Variants in MAPK8IP1 observed in about 807,000 individuals in gnomAD.
MAPK8IP1 encodes C-Jun-amino-terminal kinase-interacting protein 1.
A neutral mutation model predicts 72.6 loss-of-function variants in MAPK8IP1; 17 were observed. The ratio of observed to expected loss-of-function variants is 0.23; its 90% CI spans 0.16 to 0.35. MAPK8IP1 has a LOEUF of 0.35. Among genes scored for constraint, MAPK8IP1 ranks in the 10% least tolerant of loss-of-function variants. The pLI is 1.00. For synonymous variants in MAPK8IP1, 401 were observed against 443.4 expected, an observed-to-expected ratio of 0.90 and a Z score of 1.20; for missense variants, 789 against 1,009.7, an observed-to-expected ratio of 0.78 and a Z score of 2.96.
chr11:45,904,232 G>C lies in MAPK8IP1; in HGVS notation c.1666+71G>C. On this transcript the variant is annotated intron_variant, in intron 7 of 11. Coordinates refer to ENST00000241014, the MANE Select transcript of MAPK8IP1 (RefSeq NM_005456.4). This position sits in a 1 kb window ranked among gnomAD's most constrained non-coding sequence, Gnocchi z 6.4. ...TGCCCCAACTTGCTGCTAGGTGAAC[G>C]TGTACTCCAGATCTCAGCCAGCCAG... 1 of 1,509,534 alleles carries C rather than the reference G, an allele frequency of 6.6e-7. No individual in the cohort carries two copies. Among genetic ancestry groups the C allele is most frequent in the Non-Finnish European group, 9.1e-7 (1 of 1,100,118 alleles). 93.5% of individuals were successfully genotyped at this position (1,509,534 alleles called of 1,614,324 possible).
chr11:45,896,465 A>G, intron 1 of MAPK8IP1: 2 of 934,830 alleles, frequency 2.1e-6, no homozygotes, highest in African/African-American at 1.8e-5. Context: ...GATTTCTGCC[A>G]TCTACTTACA....
At position 45,896,727 on chromosome 11, in the gene MAPK8IP1, A is replaced by G; in HGVS notation, c.102-1358A>G. The G allele has an allele frequency of 4.8e-6, 7 of 1,456,040 alleles. No homozygotes were observed. In the South Asian group the frequency reaches 7.2e-5, roughly 15 times the overall value. The allele number at this position is 1,456,040 out of a possible 1,614,324, so 90.2% of individuals were successfully genotyped here. ...CCTGTCTATTTTTAATGAGCTCCCC[A>G]GGCTTCTGCAGCAGGCAGGACGCAG... On this transcript the variant is annotated intron_variant, in intron 1 of 11. Coordinates refer to ENST00000241014, the MANE Select transcript of MAPK8IP1 (RefSeq NM_005456.4).
At position 45,902,912 on chromosome 11, in the gene MAPK8IP1, C is replaced by T. The variant is rs1176606922; in HGVS notation, c.1145C>T (p.Thr382Met). 4.3e-6 allele frequency: 7 copies of T among 1,609,324 alleles called. No homozygotes were observed. The highest frequency in any genetic ancestry group is 4.2e-6 in the Non-Finnish European group (5 of 1,178,386). ...SALSYDSVKYTLVVDEHAQLE... is the reference protein window; with the variant it reads ...SALSYDSVKYMLVVDEHAQLE... ...CTGTCCTATGACTCTGTCAAGTACACGCTGGTGGTAGATGAGCATGCACAG... is the reference window on the plus strand; with the variant it reads ...CTGTCCTATGACTCTGTCAAGTACATGCTGGTGGTAGATGAGCATGCACAG... The change falls in exon 5 of 12, where the codon ACG becomes ATG. Residue 382 changes from threonine (T) to methionine (M), a missense_variant. Thr to Met is a moderately conservative substitution (Grantham distance 81). Transcript: ENST00000241014. This position sits in a 1 kb window ranked among gnomAD's most constrained non-coding sequence, Gnocchi z 9.3.
Position 45,898,191 on chromosome 11 carries a change from G to T in MAPK8IP1, c.207+1G>T. On this transcript the variant is annotated splice_donor_variant, in intron 2 of 11. Transcript: ENST00000241014. LOFTEE classifies it high-confidence loss of function. Reference sequence around the variant, plus strand: ...GTGCAAAGACACCCTGTCCTTACGGGTAAGGGCAAGCTCCCAGGAGCTCCT... The same window carrying T: ...GTGCAAAGACACCCTGTCCTTACGGTTAAGGGCAAGCTCCCAGGAGCTCCT... 1 of 1,609,208 alleles carries T rather than the reference G, an allele frequency of 6.2e-7. No homozygotes were observed. The highest frequency in any genetic ancestry group is 8.5e-7 in the Non-Finnish European group (1 of 1,176,402).
At position 45,900,572 on chromosome 11, in the gene MAPK8IP1, T is replaced by C; in HGVS notation, c.522+120T>C. 8.4e-7 allele frequency: 1 copy of C among 1,189,492 alleles called. No individual in the cohort carries two copies. Among genetic ancestry groups the C allele is most frequent in the Non-Finnish European group, 1.2e-6 (1 of 868,416 alleles). 73.7% of individuals were successfully genotyped at this position (1,189,492 alleles called of 1,614,324 possible). On this transcript the variant is annotated intron_variant, in intron 3 of 11. Coordinates refer to ENST00000241014, the MANE Select transcript of MAPK8IP1 (RefSeq NM_005456.4). The surrounding 1 kb of genome is among the most constrained non-coding windows in gnomAD (Gnocchi z 6.5). ...CCAGTGCCTGGGGACAGCGCCTGCA[T>C]AGGGGCCGCGGTGGCTCGCTCCCGG...
intron 1 of MAPK8IP1, among the ~76,000 whole-genome samples, chr11:45,893,142 G>A (rs1379506409): frequency 6.6e-6 from 1 of 152,234 alleles, no homozygotes; most frequent in East Asian, 1.9e-4. Context: ...AACAGCCAAT[G>A]CCTGGCTCAG....
chr11:45,895,451 C>G (rs1478796326), intron 1 of MAPK8IP1, among the ~76,000 whole-genome samples: 2 of 151,922 alleles, frequency 1.3e-5, no homozygotes, highest in African/African-American at 4.8e-5. Context: ...GAAACCCTGT[C>G]TCTACTAAAA....
intron 1 of MAPK8IP1, among the ~76,000 whole-genome samples, chr11:45,896,381 C>T: frequency 6.6e-6 from 1 of 152,240 alleles, no homozygotes; most frequent in East Asian, 1.9e-4. Flanking sequence ...CCTTCATCTC[C>T]CACCTGGCAC....
In MAPK8IP1 at chr11:45,904,806, T is replaced by G; in HGVS notation, c.1865T>G (p.Val622Gly). 6.2e-7 allele frequency: 1 copy of G among 1,613,896 alleles called. No individual in the cohort carries two copies. The highest frequency in any genetic ancestry group is 8.5e-7 in the Non-Finnish European group (1 of 1,179,986). ...EISVRGVKIG[V>G]KADDSQEAKG... ...AGCGTGCGGGGTGTGAAGATAGGCG[T>G]CAAGGCCGATGACTCCCAGGAGGCC... Residue 622 changes from valine (V) to glycine (G), a missense_variant, in exon 9 of 12, where the codon GTC becomes GGC. Around this residue, in one of 4 missense-constraint regions of MAPK8IP1, gnomAD observed 188 missense variants for 293.3 expected, o/e 0.64. Coordinates refer to ENST00000241014, the MANE Select transcript of MAPK8IP1 (RefSeq NM_005456.4). The surrounding 1 kb of genome is among the most constrained non-coding windows in gnomAD (Gnocchi z 6.4).
intron 1 of MAPK8IP1, among the ~76,000 whole-genome samples, chr11:45,891,102 AG>A: frequency 1.3e-5 from 2 of 152,328 alleles, no homozygotes; most frequent in South Asian, 4.1e-4. Flanking sequence ...ACAGTCCGGC[AG>A]TGGCCAGGGC....
At chr11:45,892,499 C>G (rs1204387303) in intron 1 of MAPK8IP1, among the ~76,000 whole-genome samples, 3 of 152,084 alleles carry the variant, frequency 2.0e-5, no homozygotes, top group African/African-American at 7.2e-5. Context: ...CCGCGGGCCG[C>G]ATAACCCAAA....
intron 1 of MAPK8IP1, among the ~76,000 whole-genome samples, chr11:45,891,861 G>C (rs1262828688): frequency 2.0e-5 from 3 of 152,212 alleles, no homozygotes; most frequent in Non-Finnish European, 4.4e-5. Flanking sequence ...GGTGACGCAG[G>C]TGTTTTCAGT....
In MAPK8IP1 at chr11:45,902,149, G is replaced by A. The variant is rs1441866768; in HGVS notation, c.604+88G>A. ...AGAGCAAACCCTACAGTCTCCAAAG[G>A]GCTGAGTAGAGGTGAACTGCCCACC... On this transcript the variant is annotated intron_variant, in intron 4 of 11. Transcript: ENST00000241014. The surrounding 1 kb of genome is among the most constrained non-coding windows in gnomAD (Gnocchi z 9.3). 2 of 1,268,036 alleles carry A rather than the reference G, an allele frequency of 1.6e-6. No individual in the cohort carries two copies. The highest frequency in any genetic ancestry group is 2.3e-6 in the Non-Finnish European group (2 of 864,918). 78.5% of individuals were successfully genotyped at this position (1,268,036 alleles called of 1,614,324 possible). A position where few individuals can be genotyped will look rare whatever the true frequency, so the allele number is the denominator to read the frequency against.
chr11:45,902,939 T>C lies in MAPK8IP1; in HGVS notation c.1172T>C (p.Leu391Pro), dbSNP rs1220150237. 1 of 1,611,752 alleles carries C rather than the reference T, an allele frequency of 6.2e-7. No individual in the cohort carries two copies. Among genetic ancestry groups the C allele is most frequent in the Non-Finnish European group, 8.5e-7 (1 of 1,179,690 alleles). Residue 391 changes from leucine to proline, a missense_variant, in exon 5 of 12, where the codon CTG (leucine) becomes CCG (proline). Transcript: ENST00000241014. The surrounding 1 kb of genome is among the most constrained non-coding windows in gnomAD (Gnocchi z 9.3). The part of the protein sequence containing the change: ...YTLVVDEHAQ[L>P]ELVSLRPCFG... Reference sequence around the variant, plus strand: ...CTGGTGGTAGATGAGCATGCACAGCTGGAGCTGGTGAGCCTGCGGCCGTGC... The same window carrying C: ...CTGGTGGTAGATGAGCATGCACAGCCGGAGCTGGTGAGCCTGCGGCCGTGC...
intron 2 of MAPK8IP1, 51 bp downstream of exon 2, chr11:45,898,241 G>A (rs970720615): frequency 2.3e-6 from 3 of 1,278,944 alleles, no homozygotes; most frequent in Non-Finnish European, 3.4e-6. Flanking sequence ...GAAGGCTAGG[G>A]ACAGGGGTAA....
intron 1 of MAPK8IP1, among the ~76,000 whole-genome samples, chr11:45,889,393 G>T (rs2086549925): frequency 6.6e-6 from 1 of 152,130 alleles, no homozygotes; most frequent in South Asian, 2.1e-4. Flanking sequence ...ATGAGTATAG[G>T]TTACTTCTGT....
Position 45,900,247 on chromosome 11 carries a change from C to T in MAPK8IP1, c.317C>T (p.Ala106Val). 1 of 1,333,462 alleles carries T rather than the reference C, an allele frequency of 7.5e-7. No individual in the cohort carries two copies. The highest frequency in any genetic ancestry group is 1.9e-5 in the South Asian group (1 of 51,510). 82.6% of individuals were successfully genotyped at this position (1,333,462 alleles called of 1,614,324 possible). A position where few individuals can be genotyped will look rare whatever the true frequency, so the allele number is the denominator to read the frequency against. ...LIDATGDTPG[A>V]EDDEEDDDEE... ...GACGCGACGGGGGACACTCCCGGGG[C>T]CGAGGACGACGAGGAGGACGACGAC... Residue 106 changes from alanine (A) to valine (V), a missense_variant, in exon 3 of 12, where the codon GCC becomes GTC. This residue lies in a region of MAPK8IP1 where 112 missense variants were observed against 192.8 expected (regional missense o/e 0.58). Transcript: ENST00000241014. This position sits in a 1 kb window ranked among gnomAD's most constrained non-coding sequence, Gnocchi z 6.5.
chr11:45,901,509 G>A (rs1436224637), intron 3 of MAPK8IP1, among the ~76,000 whole-genome samples: 1 of 152,094 alleles, frequency 6.6e-6, no homozygotes, highest in Non-Finnish European at 1.5e-5. Context: ...CTACCAGAAG[G>A]TCCTCACCCC....
rs887385484 is a variant in MAPK8IP1, at chr11:45,906,412, A to G, written c.*691A>G. On this transcript the variant is annotated 3_prime_UTR_variant, in exon 12 of 12. Transcript: ENST00000241014. ...TTCCTGACTGACACAGGCCAGCCCC[A>G]TCTTGGTCCTGTCACCCTGGCCCCA... 2.0e-6 allele frequency: 2 copies of G among 986,784 alleles called. No individual in the cohort carries two copies. The highest frequency in any genetic ancestry group is 3.3e-5 in the African/African-American group (2 of 60,560). The allele number at this position is 986,784 out of a possible 1,614,324, so 61.1% of individuals were successfully genotyped here.
Sources: gnomAD v4.1 joint callset for allele counts (sites outside exome capture counted in the v4.1 genomes callset) on GRCh38, gnomAD v4.1.1 for gene constraint, gnomAD v4.1.1 regional missense constraint, Gnocchi (gnomAD v3.1) non-coding constraint, MANE v1.5 for transcripts, NCBI Gene and HGNC (gene_info 2026-07-23, HGNC 2026-07-21) for gene names.